The following FAF1 variants were observed in gnomAD, a reference collection of about 807,000 sequenced individuals.
FAF1 encodes the protein Fas associated factor 1.
Under a neutral mutation model 92.5 loss-of-function variants are expected in FAF1, and 25 were observed. That is an observed-to-expected ratio of 0.27 (90% CI 0.20 to 0.38). FAF1 has a LOEUF of 0.38. FAF1 is among the 10% of genes least tolerant of loss of function. FAF1 has a pLI of 1.00. For synonymous variants in FAF1, 234 were observed against 273.2 expected (o/e 0.86, Z 1.42); for missense variants, 636 against 793.3 (o/e 0.80, Z 2.38).
chr1:50,739,574 A>G (rs78770042), intron 5 of FAF1, among the ~76,000 whole-genome samples: 468 of 152,310 alleles, frequency 3.1e-3, no homozygotes, highest in Non-Finnish European at 5.5e-3. Flanking sequence ...TCACTGAAGA[A>G]GTATATCCTT....
chr1:50,746,280 ATATATATATATATTTTTTT>A (rs1164949061), intron 4 of FAF1, among the ~76,000 whole-genome samples: 3 of 18,858 alleles, frequency 1.6e-4, no homozygotes, highest in African/African-American at 5.5e-4. Context: ...ATATATATAT[ATATATATATATATTTTTTT>A]TTTTTTTTTT....
intron 2 of FAF1, among the ~76,000 whole-genome samples, chr1:50,841,543 T>G (rs1259484139): frequency 6.6e-6 from 1 of 151,974 alleles, no homozygotes; most frequent in African/African-American, 2.4e-5. Context: ...ATTAGTAAAC[T>G]CAGAAGAAAT....
intron 3 of FAF1, among the ~76,000 whole-genome samples, chr1:50,799,901 C>A (rs1327914120): frequency 6.6e-6 from 1 of 152,124 alleles, no homozygotes; most frequent in Non-Finnish European, 1.5e-5. Context: ...TTGTTTTCCT[C>A]TGGTCAGTAG....
At chr1:50,819,692 CATATATATAT>C (rs1392872540) in intron 2 of FAF1, among the ~76,000 whole-genome samples, 1 of 45,614 alleles carries the variant, frequency 2.2e-5, no homozygotes, top group African/African-American at 7.0e-5. Flanking sequence ...TATATATATA[CATATATATAT>C]ACATATATAT....
intron 18 of FAF1, among the ~76,000 whole-genome samples, chr1:50,445,437 G>T (rs987712748): frequency 1.3e-5 from 2 of 152,112 alleles, no homozygotes; most frequent in Admixed American, 6.6e-5. Context: ...TTTGGAACCC[G>T]CTACATTACA....
At chr1:50,858,537 G>A (rs548725967) in intron 1 of FAF1, among the ~76,000 whole-genome samples, 9 of 151,816 alleles carry the variant, frequency 5.9e-5, no homozygotes, top group East Asian at 1.9e-4. Flanking sequence ...CTATAAGTAC[G>A]AAATACACAC....
chr1:50,763,135 G>A (rs1384852825), intron 4 of FAF1, among the ~76,000 whole-genome samples: 1 of 152,068 alleles, frequency 6.6e-6, no homozygotes, highest in African/African-American at 2.4e-5. Context: ...GCATGCGTCT[G>A]TAGTCCCAGC....
intron 1 of FAF1, among the ~76,000 whole-genome samples, chr1:50,958,050 CT>C (rs1645283706): frequency 6.6e-6 from 1 of 152,142 alleles, no homozygotes; most frequent in Non-Finnish European, 1.5e-5. Context: ...ATTCCCAACA[CT>C]TTCGGAGCCT....
chr1:50,528,024 G>A (rs1435856793), intron 15 of FAF1, among the ~76,000 whole-genome samples: 2 of 151,798 alleles, frequency 1.3e-5, no homozygotes, highest in Non-Finnish European at 2.9e-5. Flanking sequence ...CACCATACTT[G>A]GCTAATTTTT....
At chr1:50,667,956 G>C (rs1164428709) in intron 7 of FAF1, among the ~76,000 whole-genome samples, 1 of 152,164 alleles carries the variant, frequency 6.6e-6, no homozygotes, top group African/African-American at 2.4e-5. Flanking sequence ...TGTTTGCTTT[G>C]CTGTTTTCTG....
At chr1:50,553,051 T>C (rs867293063) in intron 13 of FAF1, among the ~76,000 whole-genome samples, 2 of 151,860 alleles carry the variant, frequency 1.3e-5, no homozygotes, top group Non-Finnish European at 2.9e-5. Flanking sequence ...GTTTAAAGTA[T>C]CACAAGGAAA....
chr1:50,859,651 T>A (rs1449514291), intron 1 of FAF1, among the ~76,000 whole-genome samples: 3 of 151,980 alleles, frequency 2.0e-5, no homozygotes, highest in Non-Finnish European at 4.4e-5. Flanking sequence ...GTTGGAAGAA[T>A]CAATATCATT....
intron 17 of FAF1, among the ~76,000 whole-genome samples, chr1:50,485,011 G>A (rs1047831186): frequency 2.7e-5 from 4 of 150,852 alleles, no homozygotes; most frequent in Admixed American, 6.6e-5. Context: ...TGTAAATGAC[G>A]AGTTAATGGG....
chr1:50,700,510 G>C (rs1347594245), intron 7 of FAF1, among the ~76,000 whole-genome samples: 1 of 152,096 alleles, frequency 6.6e-6, no homozygotes, highest in Non-Finnish European at 1.5e-5. Flanking sequence ...ATTACAACCT[G>C]TCAAGTGCAT....
chr1:50,887,340 G>C (rs1449251859), intron 1 of FAF1, among the ~76,000 whole-genome samples: 2 of 152,192 alleles, frequency 1.3e-5, no homozygotes, highest in South Asian at 2.1e-4. Context: ...TGTTCACTCT[G>C]ATGGTAGTTT....
intron 2 of FAF1, among the ~76,000 whole-genome samples, chr1:50,819,174 C>T (rs963470932): frequency 2.6e-5 from 4 of 151,868 alleles, no homozygotes; most frequent in African/African-American, 4.8e-5. Context: ...AAATTAGATC[C>T]GTGCTTGCCT....
chr1:50,575,435 T>C (rs1342956430), intron 12 of FAF1, among the ~76,000 whole-genome samples: 3 of 152,226 alleles, frequency 2.0e-5, no homozygotes, highest in Non-Finnish European at 2.9e-5. Flanking sequence ...GCTTTTTGAC[T>C]GATATACATG....
chr1:50,515,678 G>C (rs1272090387), intron 15 of FAF1, among the ~76,000 whole-genome samples: 2 of 152,126 alleles, frequency 1.3e-5, no homozygotes, highest in Non-Finnish European at 2.9e-5. Context: ...TCCTGCTTAA[G>C]AGAAGCGATG....
intron 18 of FAF1, among the ~76,000 whole-genome samples, chr1:50,472,046 T>G (rs549407749): frequency 1.3e-5 from 2 of 152,156 alleles, no homozygotes; most frequent in African/African-American, 4.8e-5. Flanking sequence ...TGACAACCTC[T>G]TACCAAGTGG....
Sources: gnomAD v4.1 joint callset for allele counts (sites outside exome capture counted in the v4.1 genomes callset) on GRCh38, gnomAD v4.1.1 for gene constraint, MANE v1.5 for transcripts, NCBI Gene and HGNC (gene_info 2026-07-23, HGNC 2026-07-21) for gene names.